The following PMFBP1 variants were observed in gnomAD, a reference collection of about 807,000 sequenced individuals.
The protein encoded by PMFBP1 is polyamine modulated factor 1 binding protein 1, also known as polyamine-modulated factor 1-binding protein 1.
In PMFBP1, 131 loss-of-function variants were observed where a neutral mutation model predicts 137.8. That is an observed-to-expected ratio of 0.95 (90% CI 0.82 to 1.10). PMFBP1 has a LOEUF of 1.10. Among genes scored for constraint, PMFBP1 ranks in the 50% least tolerant of loss-of-function variants. The pLI, the probability that PMFBP1 is intolerant of heterozygous loss-of-function variation, is 0.00. For missense variants in PMFBP1, 1,199 were observed against 1,175.4 expected (o/e 1.02, Z -0.29); for synonymous variants, 490 against 450.4 (o/e 1.09, Z -1.11).
chr16:72,117,529 G>C (rs2042320684), downstream of PMFBP1, among the ~76,000 whole-genome samples: 1 of 152,088 alleles, frequency 6.6e-6, no homozygotes, highest in Non-Finnish European at 1.5e-5. Flanking sequence ...GCTCTGCCTA[G>C]AGCTGCCAGT....
the PMFBP1 span, among the ~76,000 whole-genome samples, chr16:72,249,368 G>GA: frequency 7.3e-4 from 100 of 136,608 alleles, no homozygotes; most frequent in Non-Finnish European, 8.1e-4. Context: ...CCCAAAGTTT[G>GA]AAAAAAAAAA....
At chr16:72,181,710 G>A (rs2043276812), upstream of PMFBP1, among the ~76,000 whole-genome samples, 1 of 152,164 alleles carries the variant, frequency 6.6e-6, no homozygotes, top group African/African-American at 2.4e-5. Context: ...TAAAGCATTG[G>A]CTGAATCTAG....
In PMFBP1 at chr16:72,129,069, C is replaced by T. The variant is rs2042507347; in HGVS notation, c.1947G>A (p.Lys649=). 7 of 1,613,608 alleles carry T rather than the reference C, an allele frequency of 4.3e-6. No individual in the cohort carries two copies. Among genetic ancestry groups the T allele is most frequent in the Non-Finnish European group, 5.9e-6 (7 of 1,179,830 alleles). Residue 649 remains lysine, a synonymous_variant, in exon 13 of 21, where the codon AAG becomes AAA. Transcript: ENST00000237353. The part of the protein sequence containing the change: ...ALRQEFKKKD[K]TLKENSRKLE... ...CTCCTGGGATTCTCCCACTCACCGT[C>T]TTGTCTTTCTTTTTAAATTCCTGCC...
At chr16:72,246,626 T>A in the PMFBP1 span, among the ~76,000 whole-genome samples, 1 of 152,078 alleles carries the variant, frequency 6.6e-6, no homozygotes, top group African/African-American at 2.4e-5. Context: ...GCCACAAGGT[T>A]ACTTTCTCTG....
chr16:72,212,633 A>G, the PMFBP1 span, among the ~76,000 whole-genome samples: 1 of 152,336 alleles, frequency 6.6e-6, no homozygotes, highest in South Asian at 2.1e-4. Flanking sequence ...AGAAAAAGAG[A>G]AGAGATAAGC....
At chr16:72,135,495 G>A (rs1056027665) in intron 9 of PMFBP1, among the ~76,000 whole-genome samples, 3 of 151,676 alleles carry the variant, frequency 2.0e-5, no homozygotes, top group Non-Finnish European at 4.4e-5. Flanking sequence ...GGGATTACAA[G>A]CGTGGGCCAC....
intron 4 of PMFBP1, among the ~76,000 whole-genome samples, chr16:72,152,672 C>T (rs1395486292): frequency 6.6e-6 from 1 of 151,898 alleles, no homozygotes; most frequent in African/African-American, 2.4e-5. Context: ...TGGTGAAACC[C>T]CGTCTCTACT....
chr16:72,130,811 T>G, intron 10 of PMFBP1, 89 bp from the exon 11 acceptor site: 2 of 1,251,434 alleles, frequency 1.6e-6, no homozygotes, highest in Non-Finnish European at 2.2e-6. Flanking sequence ...TTTCCTTTCA[T>G]TTTGTGCCCT....
chr16:72,152,413 G>T (rs1051823871), intron 4 of PMFBP1, among the ~76,000 whole-genome samples: 3 of 152,168 alleles, frequency 2.0e-5, no homozygotes, highest in African/African-American at 7.2e-5. Context: ...ACTAGCTGTT[G>T]CCATGTGACT....
Position 72,126,017 on chromosome 16 carries a change from G to A in PMFBP1, c.2204C>T (p.Ser735Phe), listed in dbSNP as rs2042450970. 9.3e-6 allele frequency: 15 copies of A among 1,614,092 alleles called. No homozygotes were observed. The highest frequency in any genetic ancestry group is 1.3e-5 in the African/African-American group (1 of 74,930). ...TITKEAYDAL[S>F]RKSAACQDDL... The stretch of plus-strand genomic sequence containing the variant: ...ATCCTGGCAGGCGGCTGACTTCCGG[G>A]ATAATGCATCATAGGCTTCTTTGGT... The change falls in exon 15 of 21, where the codon TCC becomes TTC. Residue 735 changes from serine (S) to phenylalanine (F), a missense_variant. Ser to Phe is a radical substitution (Grantham distance 155, BLOSUM62 -2). Transcript: ENST00000237353.
At chr16:72,176,312 C>G (rs1374496734), upstream of PMFBP1, among the ~76,000 whole-genome samples, 2 of 152,118 alleles carry the variant, frequency 1.3e-5, no homozygotes, top group Non-Finnish European at 2.9e-5. Flanking sequence ...AAATGTCTCC[C>G]CCTGGCTCTC....
intron 2 of PMFBP1, among the ~76,000 whole-genome samples, chr16:72,169,104 G>A (rs1214771177): frequency 2.0e-5 from 3 of 152,036 alleles, no homozygotes; most frequent in Non-Finnish European, 4.4e-5. Context: ...CATGAAAATC[G>A]GAGTAATTTT....
Position 72,126,193 on chromosome 16 carries a change from G to A in PMFBP1, c.2089-61C>T, listed in dbSNP as rs1199161381. 3.2e-6 allele frequency: 5 copies of A among 1,547,046 alleles called. No homozygotes were observed. In the East Asian group the frequency reaches 1.1e-4, roughly 35 times the overall value. On this transcript the variant is annotated intron_variant, in intron 14 of 20. Transcript: ENST00000237353. ...GGTCAGGGTCATAGAGGCATTCTCT[G>A]TGCCTATAGGAAATGAACAAGAGCC...
the PMFBP1 span, among the ~76,000 whole-genome samples, chr16:72,226,626 T>C: frequency 6.6e-6 from 1 of 152,320 alleles, no homozygotes; most frequent in African/African-American, 2.4e-5. Flanking sequence ...AAGAATTTTG[T>C]CTCTCTCTTA....
chr16:72,238,638 T>C, the PMFBP1 span, among the ~76,000 whole-genome samples: 2 of 152,222 alleles, frequency 1.3e-5, no homozygotes, highest in African/African-American at 4.8e-5. Context: ...GAAGGACCTA[T>C]TCACAGGCAA....
the PMFBP1 span, among the ~76,000 whole-genome samples, chr16:72,209,898 C>T: frequency 6.6e-6 from 1 of 152,248 alleles, no homozygotes; most frequent in East Asian, 1.9e-4. Context: ...GCTTCAGCCT[C>T]TCTGGGAAGG....
At position 72,125,671 on chromosome 16, in the gene PMFBP1, G is replaced by T. The variant is rs545741699; in HGVS notation, c.2254-266C>A. ...CCAGCCATGATCAGCACAGGATGGGGCATGAATTTCCCTGACAATCCAGAC... is the reference window on the plus strand; with the variant it reads ...CCAGCCATGATCAGCACAGGATGGGTCATGAATTTCCCTGACAATCCAGAC... On this transcript the variant is annotated intron_variant, in intron 15 of 20. Transcript: ENST00000237353. Among the ~76,000 whole-genome samples, 3 of 152,262 alleles carry T rather than the reference G, an allele frequency of 2.0e-5. No homozygotes were observed. The South Asian group carries it at 6.2e-4, about 32-fold the overall frequency.
chr16:72,141,641 T>C (rs186614413), intron 5 of PMFBP1, among the ~76,000 whole-genome samples: 3 of 152,324 alleles, frequency 2.0e-5, no homozygotes, highest in Admixed American at 1.3e-4. Flanking sequence ...CTTGTTCTTT[T>C]AAATTGCTTT....
chr16:72,168,826 T>G (rs989444593), intron 2 of PMFBP1, among the ~76,000 whole-genome samples: 2 of 152,246 alleles, frequency 1.3e-5, no homozygotes, highest in Admixed American at 6.5e-5. Context: ...ACCATATTCA[T>G]GATAACTATT....
Sources: allele counts gnomAD v4.1 joint callset (sites outside exome capture counted in the v4.1 genomes callset), GRCh38; gene constraint gnomAD v4.1.1; transcripts MANE v1.5; gene names NCBI Gene and HGNC (gene_info 2026-07-23, HGNC 2026-07-21).